Variants in ASIC2 observed in about 807,000 individuals in gnomAD.
The protein encoded by ASIC2 is acid-sensing ion channel 2.
ASIC2 carries 25 observed loss-of-function variants against 57.3 expected under a neutral mutation model. The observed-to-expected ratio is 0.44, with a 90% CI of 0.32 to 0.61. The LOEUF (loss-of-function observed/expected upper bound fraction) is 0.61. ASIC2 is among the 20% of genes least tolerant of loss of function. The pLI, the probability that ASIC2 is intolerant of heterozygous loss-of-function variation, is 0.06. For missense variants in ASIC2, 641 were observed against 738.1 expected (o/e 0.87, Z 1.52); for synonymous variants, 319 against 307.5 (o/e 1.04, Z -0.39).
chr17:34,099,731 A>T (rs952375008), intron 1 of ASIC2, among the ~76,000 whole-genome samples: 2 of 110,762 alleles, frequency 1.8e-5, no homozygotes, highest in Non-Finnish European at 3.6e-5. Flanking sequence ...AGAAGGAAAG[A>T]AGGAAAGAAA....
chr17:33,241,640 G>A (rs898984167), intron 1 of ASIC2, among the ~76,000 whole-genome samples: 1 of 152,198 alleles, frequency 6.6e-6, no homozygotes, highest in Non-Finnish European at 1.5e-5. Context: ...GCAGGAAAGA[G>A]GACTGTATTT....
chr17:33,579,509 G>C (rs552470145), intron 1 of ASIC2, among the ~76,000 whole-genome samples: 8 of 152,098 alleles, frequency 5.3e-5, no homozygotes, highest in Admixed American at 3.3e-4. Context: ...GCCCAGAATT[G>C]TCTCCTCCTG....
chr17:33,433,528 G>T (rs1911492325), intron 1 of ASIC2, among the ~76,000 whole-genome samples: 1 of 152,196 alleles, frequency 6.6e-6, no homozygotes, highest in African/African-American at 2.4e-5. Context: ...GGCCAAGGCG[G>T]GTGGATCTCT....
intron 1 of ASIC2, among the ~76,000 whole-genome samples, chr17:34,044,100 TCACACA>T (rs542633112): frequency 8.2e-5 from 12 of 146,268 alleles, no homozygotes; most frequent in South Asian, 2.2e-4. Context: ...TACCCTTGAA[TCACACA>T]CACACACACA....
At chr17:33,453,936 A>G (rs1912358585) in intron 1 of ASIC2, among the ~76,000 whole-genome samples, 1 of 152,114 alleles carries the variant, frequency 6.6e-6, no homozygotes, top group African/African-American at 2.4e-5. Context: ...TCTGAAGTTC[A>G]TTTATATTGC....
chr17:33,075,433 G>C (rs1484716100), intron 3 of ASIC2, among the ~76,000 whole-genome samples: 1 of 152,128 alleles, frequency 6.6e-6, no homozygotes, highest in Non-Finnish European at 1.5e-5. Context: ...CCTCACTGAG[G>C]TTCTGAATAT....
intron 1 of ASIC2, among the ~76,000 whole-genome samples, chr17:33,472,079 G>A (rs1166018682): frequency 6.6e-6 from 1 of 150,864 alleles, no homozygotes; most frequent in African/African-American, 2.4e-5. Context: ...GAGTGCAATG[G>A]CGTGATCTTG....
At chr17:33,707,769 G>T (rs1908906569) in intron 1 of ASIC2, among the ~76,000 whole-genome samples, 1 of 152,154 alleles carries the variant, frequency 6.6e-6, no homozygotes, top group South Asian at 2.1e-4. Context: ...GCATTTAAAA[G>T]TGAAGCATTG....
intron 1 of ASIC2, among the ~76,000 whole-genome samples, chr17:33,579,219 G>C (rs935530213): frequency 2.0e-5 from 3 of 150,656 alleles, no homozygotes; most frequent in African/African-American, 7.4e-5. Flanking sequence ...CCGGGAGGCA[G>C]AGGTTGCAGT....
intron 1 of ASIC2, among the ~76,000 whole-genome samples, chr17:33,987,497 C>T (rs560904138): frequency 2.1e-4 from 32 of 152,266 alleles, no homozygotes; most frequent in African/African-American, 7.0e-4. Context: ...ACTTGGAGAC[C>T]GTCATATTCA....
intron 1 of ASIC2, among the ~76,000 whole-genome samples, chr17:33,356,685 C>T (rs1335064332): frequency 1.3e-5 from 2 of 152,160 alleles, no homozygotes; most frequent in African/African-American, 4.8e-5. Flanking sequence ...CCAGTGCACT[C>T]AGGGCCAACA....
chr17:33,186,727 C>G (rs1003208943), intron 1 of ASIC2, among the ~76,000 whole-genome samples: 3 of 152,122 alleles, frequency 2.0e-5, no homozygotes, highest in Non-Finnish European at 4.4e-5. Flanking sequence ...CAAAGCTGAT[C>G]CTCTTACAAC....
At chr17:33,033,684 T>C (rs1030280359) in intron 3 of ASIC2, among the ~76,000 whole-genome samples, 4 of 152,178 alleles carry the variant, frequency 2.6e-5, no homozygotes, top group Admixed American at 1.3e-4. Flanking sequence ...GATTGATTCC[T>C]GGCAGGAAGG....
chr17:33,417,146 AG>A (rs765804383), intron 1 of ASIC2, among the ~76,000 whole-genome samples: 12 of 152,204 alleles, frequency 7.9e-5, no homozygotes, highest in Non-Finnish European at 1.5e-4. Flanking sequence ...CACAGACTCT[AG>A]TAGGACGCTG....
At chr17:33,218,562 T>C (rs1282053253) in intron 1 of ASIC2, among the ~76,000 whole-genome samples, 6 of 151,548 alleles carry the variant, frequency 4.0e-5, no homozygotes, top group Non-Finnish European at 4.4e-5. Flanking sequence ...GCCTGGTTCA[T>C]AGGACATGCC....
At chr17:33,544,873 T>C (rs3926423) in intron 1 of ASIC2, among the ~76,000 whole-genome samples, 5,430 of 152,142 alleles carry the variant, frequency 0.036, 304 homozygotes, top group East Asian at 0.27. Flanking sequence ...CCTCAGTATT[T>C]ATATTTTTGT....
intron 1 of ASIC2, among the ~76,000 whole-genome samples, chr17:33,448,777 T>C (rs905887690): frequency 2.6e-5 from 4 of 152,224 alleles, no homozygotes; most frequent in African/African-American, 4.8e-5. Context: ...ATAGAGGCTA[T>C]AGGACACTAA....
At chr17:33,237,660 C>G (rs1908348050) in intron 1 of ASIC2, among the ~76,000 whole-genome samples, 1 of 152,190 alleles carries the variant, frequency 6.6e-6, no homozygotes, top group Non-Finnish European at 1.5e-5. Context: ...TGGGCAAGTT[C>G]TTTGCTTTGA....
In ASIC2 at chr17:33,065,100, G is replaced by GT. The variant is rs970346455; in HGVS notation, c.987+23762dup. ...GGGACATATCACACTTAATAGGCAGGTTTTTTTTTTGAGAGTGTGTTTAAT... is the reference window on the plus strand; with the variant it reads ...GGGACATATCACACTTAATAGGCAGGTTTTTTTTTTTGAGAGTGTGTTTAAT... On this transcript the variant is annotated intron_variant, in intron 3 of 9. Transcript: ENST00000225823. Among the ~76,000 whole-genome samples the GT allele has an allele frequency of 9.5e-4, 141 of 148,748 alleles. 2 individuals carry two copies. Among genetic ancestry groups the GT allele is most frequent in the African/African-American group, 2.8e-3 (115 of 40,572 alleles).
Sources: allele counts gnomAD v4.1 joint callset (sites outside exome capture counted in the v4.1 genomes callset), GRCh38; gene constraint gnomAD v4.1.1; transcripts MANE v1.5; gene names NCBI Gene and HGNC (gene_info 2026-07-23, HGNC 2026-07-21).